DENND2A: variants seen among roughly 807,000 people sequenced by gnomAD.
The protein encoded by DENND2A is DENN domain-containing protein 2A.
A neutral mutation model predicts 105.3 loss-of-function variants in DENND2A; 53 were observed. That is an observed-to-expected ratio of 0.50 (90% CI 0.40 to 0.63). The LOEUF is 0.63. Among genes scored for constraint, DENND2A ranks in the 30% least tolerant of loss-of-function variants. The probability of loss-of-function intolerance (pLI) is 0.00; values close to 1 mark genes in which losing one functional copy is unlikely to be tolerated. For missense variants in DENND2A, 1,138 were observed against 1,279.6 expected, an observed-to-expected ratio of 0.89 and a Z score of 1.69; for synonymous variants, 522 against 508.4, an observed-to-expected ratio of 1.03 and a Z score of -0.36.
In DENND2A at chr7:140,559,785, A is replaced by C. The variant is rs1269817209; in HGVS notation, c.1812T>G (p.Ala604=). 6.2e-7 allele frequency: 1 copy of C among 1,614,182 alleles called. No individual in the cohort carries two copies. The highest frequency in any genetic ancestry group is 1.7e-5 in the Admixed American group (1 of 60,008). Residue 604 remains alanine (A), a synonymous_variant, in exon 10 of 20, where the codon GCT becomes GCG. Transcript: ENST00000496613. The surrounding 1 kb of genome is among the most constrained non-coding windows in gnomAD (Gnocchi z 4.1). ...GGGGAATGGCCTTCAGTTGGTCCTC[A>C]GCTTCTCTCATGAACTTGAAAGACC... The part of the protein sequence containing the change: ...LERSFKFMRE[A]EDQLKAIPQF...
intron 19 of DENND2A, 42 bp downstream of exon 19, chr7:140,519,589 CT>C (rs1317746308): frequency 6.3e-7 from 1 of 1,579,474 alleles, no homozygotes; most frequent in African/African-American, 1.3e-5. Flanking sequence ...AGACAGACAG[CT>C]CAGAGGCACA....
At chr7:140,569,414 C>T (rs1797998205) in intron 7 of DENND2A, among the ~76,000 whole-genome samples, 1 of 152,096 alleles carries the variant, frequency 6.6e-6, no homozygotes, top group South Asian at 2.1e-4. Flanking sequence ...CCAGGGCCTG[C>T]AGTACTGGGC....
chr7:140,636,181 C>G (rs903426231), intron 1 of DENND2A, among the ~76,000 whole-genome samples: 1 of 152,080 alleles, frequency 6.6e-6, no homozygotes, highest in Non-Finnish European at 1.5e-5. Flanking sequence ...CCTGGGGTAA[C>G]AAGCAACAAT....
chr7:140,589,074 A>G (rs1254180908), intron 3 of DENND2A, among the ~76,000 whole-genome samples: 4 of 152,118 alleles, frequency 2.6e-5, no homozygotes, highest in Admixed American at 1.3e-4. Context: ...CAGAAGACAG[A>G]GGCATAGAGG....
At chr7:140,534,595 A>AG (rs1328984062) in intron 14 of DENND2A, among the ~76,000 whole-genome samples, 1 of 152,070 alleles carries the variant, frequency 6.6e-6, no homozygotes, top group Non-Finnish European at 1.5e-5. Context: ...GCCCTCAAGG[A>AG]GGGGGATGGG....
intron 2 of DENND2A, among the ~76,000 whole-genome samples, chr7:140,605,076 A>C (rs1474685586): frequency 6.6e-6 from 1 of 152,172 alleles, no homozygotes; most frequent in African/African-American, 2.4e-5. Context: ...CTGAAAACTC[A>C]CACTGGATTT....
At chr7:140,570,767 C>T (rs376133487) in intron 6 of DENND2A, among the ~76,000 whole-genome samples, 3 of 152,380 alleles carry the variant, frequency 2.0e-5, no homozygotes, top group African/African-American at 7.2e-5. Flanking sequence ...TGCCCTGCCC[C>T]TCCCCACCTC....
rs1198965481 is a variant in DENND2A at position 140,568,772 on chromosome 7, T to C, written c.1582A>G (p.Lys528Glu). 1.2e-6 allele frequency: 2 copies of C among 1,613,956 alleles called. No individual in the cohort carries two copies. Among genetic ancestry groups the C allele is most frequent in the African/African-American group, 2.7e-5 (2 of 74,890 alleles). ...TAGTGGCTCTCCTCACCTTTCAGCT[T>C]CTCCTCTGTGTCACTGTCAGACTCA... is the stretch of plus-strand genomic sequence containing the variant. Reference protein sequence around the residue: ...NSESDSDTEEKLKAHSQRLVN... With the variant: ...NSESDSDTEEELKAHSQRLVN... The change falls in exon 8 of 20, where the codon AAG becomes GAG. Residue 528 changes from lysine to glutamate, a missense_variant. Coordinates refer to ENST00000496613, the MANE Select transcript of DENND2A (RefSeq NM_015689.5).
Position 140,567,018 on chromosome 7 carries a change from A to G in DENND2A, c.1779+68T>C, listed in dbSNP as rs578067336. On this transcript the variant is annotated intron_variant, in intron 9 of 19. Coordinates refer to ENST00000496613, the MANE Select transcript of DENND2A (RefSeq NM_015689.5). ...TCCTCAGACTCCCACACCTCCCTCA[A>G]TTCATGAGTCCCAACAAGGTGATGG... The G allele has an allele frequency of 4.6e-5, 65 of 1,425,780 alleles. No homozygotes were observed. In the African/African-American group the frequency reaches 9.1e-4, roughly 20 times the overall value. 88.3% of individuals were successfully genotyped at this position (1,425,780 alleles called of 1,614,324 possible).
At chr7:140,636,971 T>C (rs1468755709) in intron 1 of DENND2A, among the ~76,000 whole-genome samples, 3 of 152,130 alleles carry the variant, frequency 2.0e-5, no homozygotes, top group Admixed American at 1.3e-4. Flanking sequence ...GTGATTCTCC[T>C]GCCTCAGCCT....
At chr7:140,614,374 G>A (rs1800010613) in intron 1 of DENND2A, among the ~76,000 whole-genome samples, 2 of 152,312 alleles carry the variant, frequency 1.3e-5, no homozygotes, top group South Asian at 2.1e-4. Flanking sequence ...CAAAATGCTG[G>A]AATTACAGGT....
intron 1 of DENND2A, among the ~76,000 whole-genome samples, chr7:140,634,759 C>T (rs1800857787): frequency 1.3e-5 from 2 of 152,064 alleles, no homozygotes; most frequent in South Asian, 4.2e-4. Flanking sequence ...GTAGTCCCAG[C>T]TACTTGGGAG....
chr7:140,551,730 C>A (rs746981868), intron 12 of DENND2A, among the ~76,000 whole-genome samples: 2 of 152,202 alleles, frequency 1.3e-5, no homozygotes, highest in African/African-American at 4.8e-5. Context: ...AATTCTGAGA[C>A]CTGCTCTTCT....
intron 14 of DENND2A, among the ~76,000 whole-genome samples, chr7:140,539,757 C>T (rs533515439): frequency 3.3e-5 from 5 of 152,382 alleles, no homozygotes; most frequent in African/African-American, 4.8e-5. Context: ...CCGTCGCTGC[C>T]GTCATCCTCA....
intron 14 of DENND2A, among the ~76,000 whole-genome samples, chr7:140,530,588 T>G (rs931864875): frequency 2.0e-5 from 3 of 152,100 alleles, no homozygotes; most frequent in African/African-American, 7.2e-5. Context: ...CACTGTCTTC[T>G]TTATTAGCTG....
chr7:140,536,425 G>A (rs1796457796), intron 14 of DENND2A, among the ~76,000 whole-genome samples: 1 of 152,018 alleles, frequency 6.6e-6, no homozygotes, highest in Non-Finnish European at 1.5e-5. Context: ...GCATCCAAAA[G>A]GTGAAGATGA....
rs2130612513 is a variant in DENND2A at position 140,574,015 on chromosome 7, A to G, written c.1246-7T>C. ...CAGGTTTGGACAATGACTGCTGTGA[A>G]GGAAAAGGAGAAAAGAAGAGTAAAT... is the stretch of plus-strand genomic sequence containing the variant. On this transcript the variant is annotated splice_region_variant and splice_polypyrimidine_tract_variant and intron_variant, in intron 5 of 19. Coordinates refer to ENST00000496613, the MANE Select transcript of DENND2A (RefSeq NM_015689.5). 1 of 1,614,136 alleles carries G rather than the reference A, an allele frequency of 6.2e-7. No individual in the cohort carries two copies. Among genetic ancestry groups the G allele is most frequent in the Non-Finnish European group, 8.5e-7 (1 of 1,180,026 alleles).
chr7:140,555,531 A>C, intron 12 of DENND2A, 105 bp downstream of exon 12: 25 of 904,942 alleles, frequency 2.8e-5, no homozygotes, highest in Non-Finnish European at 3.5e-5. Context: ...GGAAGTAGGT[A>C]GAGAATAAGA....
intron 11 of DENND2A, among the ~76,000 whole-genome samples, chr7:140,557,369 C>T (rs1196763482): frequency 1.3e-5 from 2 of 151,054 alleles, no homozygotes; most frequent in Non-Finnish European, 3.0e-5. Flanking sequence ...CCACTGCACT[C>T]CAGCCCAGGC....
Sources: allele counts gnomAD v4.1 joint callset (sites outside exome capture counted in the v4.1 genomes callset), GRCh38; gene constraint gnomAD v4.1.1; non-coding constraint Gnocchi (gnomAD v3.1); transcripts MANE v1.5; gene names NCBI Gene and HGNC (gene_info 2026-07-23, HGNC 2026-07-21).